BRCA1: variants seen among roughly 807,000 people sequenced by gnomAD.
BRCA1 encodes breast cancer type 1 susceptibility protein.
In BRCA1, 140 loss-of-function variants were observed where a neutral mutation model predicts 173.7. That is an observed-to-expected ratio of 0.81 (90% CI 0.70 to 0.93). The LOEUF (loss-of-function observed/expected upper bound fraction) is 0.93, where lower values mean the gene tolerates loss of function less well. Among genes scored for constraint, BRCA1 ranks in the 40% least tolerant of loss-of-function variants. The pLI is 0.00. For synonymous variants in BRCA1, 662 were observed against 756.0 expected, an observed-to-expected ratio of 0.88 and a Z score of 2.04; for missense variants, 1,983 against 2,172.5, an observed-to-expected ratio of 0.91 and a Z score of 1.73.
At chr17:43,081,083 A>G (rs1222777603) in intron 12 of BRCA1, among the ~76,000 whole-genome samples, 1 of 152,206 alleles carries the variant, frequency 6.6e-6, no homozygotes, top group Admixed American at 6.5e-5. Flanking sequence ...GTATATACCA[A>G]AGAGGAGATA....
At chr17:43,122,109 T>C (rs1300666365) in intron 2 of BRCA1, among the ~76,000 whole-genome samples, 1 of 152,210 alleles carries the variant, frequency 6.6e-6, no homozygotes, top group Non-Finnish European at 1.5e-5. Flanking sequence ...AGGGAGAGGA[T>C]GGTTATTTAT....
In BRCA1 at chr17:43,114,094, G is replaced by T. The variant is rs8176106; in HGVS notation, c.134+1632C>A. Among the ~76,000 whole-genome samples, 1,419 of 151,938 alleles carry T rather than the reference G, an allele frequency of 9.3e-3. 19 individuals carry two copies. The highest frequency in any genetic ancestry group is 0.032 in the African/African-American group (1,337 of 41,414). On this transcript the variant is annotated intron_variant, in intron 3 of 22. Coordinates refer to ENST00000357654, the MANE Select transcript of BRCA1 (RefSeq NM_007294.4). ...CATCTCAAAAAAAAAAAAAGACAGGGTCTCACTCTGTCATCTAGGCTGGAG... is the reference window on the plus strand; with the variant it reads ...CATCTCAAAAAAAAAAAAAGACAGGTTCTCACTCTGTCATCTAGGCTGGAG...
chr17:43,051,548 C>A (rs1463550539), intron 19 of BRCA1, among the ~76,000 whole-genome samples: 2 of 152,034 alleles, frequency 1.3e-5, no homozygotes, highest in Admixed American at 6.6e-5. Context: ...TGATGTTTAT[C>A]CAGACTTGGT....
chr17:43,166,815 G>C (rs1480290969), intron 1 of BRCA1: 2 of 152,234 alleles, frequency 1.3e-5, no homozygotes, highest in Non-Finnish European at 2.9e-5. Flanking sequence ...GGCACACCAT[G>C]GGTGATCAGG....
At chr17:43,164,603 G>A (rs892025530) in intron 1 of BRCA1, 1 of 152,204 alleles carries the variant, frequency 6.6e-6, no homozygotes, top group African/African-American at 2.4e-5. Context: ...GTTTGGCAGG[G>A]TTTTCCTCTG....
At chr17:43,065,726 G>T (rs1388572663) in intron 16 of BRCA1, among the ~76,000 whole-genome samples, 3 of 152,248 alleles carry the variant, frequency 2.0e-5, no homozygotes, top group East Asian at 3.9e-4. Context: ...CACATCCAGA[G>T]AACTAATTTT....
At position 43,120,629 on chromosome 17, in the gene BRCA1, G is replaced by A. The variant is rs562368660; in HGVS notation, c.80+3388C>T. Reference sequence around the variant, plus strand: ...AAATACAAAAAATTAGCCGGGCGTGGTGGTGGACGCCTGTAGTCCCAGCTA... The same window carrying A: ...AAATACAAAAAATTAGCCGGGCGTGATGGTGGACGCCTGTAGTCCCAGCTA... On this transcript the variant is annotated intron_variant, in intron 2 of 22. Coordinates refer to ENST00000357654, the MANE Select transcript of BRCA1 (RefSeq NM_007294.4). Among the ~76,000 whole-genome samples the A allele has an allele frequency of 2.8e-4, 43 of 152,268 alleles. 2 individuals are homozygous for A. Among genetic ancestry groups the A allele is most frequent in the African/African-American group, 1.0e-3 (42 of 41,550 alleles).
intron 16 of BRCA1, among the ~76,000 whole-genome samples, chr17:43,067,032 G>A (rs1478695477): frequency 6.6e-6 from 1 of 151,316 alleles, no homozygotes; most frequent in Non-Finnish European, 1.5e-5. Flanking sequence ...TGGCCAGGCT[G>A]GTCTCGAACT....
intron 11 of BRCA1, among the ~76,000 whole-genome samples, chr17:43,084,177 C>A (rs773188144): frequency 3.3e-5 from 5 of 152,116 alleles, no homozygotes; most frequent in Non-Finnish European, 5.9e-5. Context: ...ATTACAGGCG[C>A]CCGCCACCAT....
rs1356169081 is a variant in BRCA1 at position 43,057,043 on chromosome 17, G to A, written c.5277+9C>T. On this transcript the variant is annotated intron_variant, in intron 19 of 22. Transcript: ENST00000357654. ...GAGATTTTTGTCAACTTGAGGGAGG[G>A]AGCTTTACCTTTCTGTCCTGGGATT... 1 of 1,613,822 alleles carries A rather than the reference G, an allele frequency of 6.2e-7. No homozygotes were observed. The highest frequency in any genetic ancestry group is 8.5e-7 in the Non-Finnish European group (1 of 1,179,762).
chr17:43,115,540 C>T (rs2055227338), intron 3 of BRCA1, among the ~76,000 whole-genome samples, 186 bp downstream of exon 3: 1 of 151,620 alleles, frequency 6.6e-6, no homozygotes, highest in Non-Finnish European at 1.5e-5. Flanking sequence ...AAAACTTTAC[C>T]AGGAACTATG....
rs8176132 is a variant in BRCA1 at position 43,105,799 on chromosome 17, T to C, written c.212+657A>G. Among the ~76,000 whole-genome samples, 2,239 of 152,234 alleles carry C rather than the reference T, an allele frequency of 0.015. 47 individuals are homozygous for C. The highest frequency in any genetic ancestry group is 0.051 in the African/African-American group (2,128 of 41,530). On this transcript the variant is annotated intron_variant, in intron 4 of 22. Transcript: ENST00000357654. Reference sequence around the variant, plus strand: ...TACTACTCTCATAGAATTTACATTGTAGCAGAAGAGATACACAATATATAA... The same window carrying C: ...TACTACTCTCATAGAATTTACATTGCAGCAGAAGAGATACACAATATATAA...
At chr17:43,086,697 A>G (rs140253968) in intron 11 of BRCA1, among the ~76,000 whole-genome samples, 6 of 152,370 alleles carry the variant, frequency 3.9e-5, no homozygotes, top group Admixed American at 6.5e-5. Flanking sequence ...ATGTAATCAG[A>G]AATTGCAACC....
chr17:43,089,379 T>C (rs2053352739), intron 11 of BRCA1, among the ~76,000 whole-genome samples: 1 of 152,156 alleles, frequency 6.6e-6, no homozygotes, highest in Non-Finnish European at 1.5e-5. Flanking sequence ...TATTCATTTT[T>C]AGACGTTGTG....
At position 43,079,095 on chromosome 17, in the gene BRCA1, G is replaced by A. The variant is rs571402533; in HGVS notation, c.4358-2481C>T. ...GGTGCCTGTAATCCCAGCTACCCAG[G>A]AGGCTGAGGCGGACATTGTAATGAG... On this transcript the variant is annotated intron_variant, in intron 12 of 22. Transcript: ENST00000357654. Among the ~76,000 whole-genome samples the A allele has an allele frequency of 7.2e-5, 11 of 152,214 alleles. No individual in the cohort carries two copies. The East Asian group carries it at 2.1e-3, about 29-fold the overall frequency.
rs876659545 is a variant in BRCA1 at position 43,092,599 on chromosome 17, A to G, written c.2932T>C (p.Tyr978His). ...ATGGGAAAAAGTGGTGGTATACGAT[A>G]TGGGTTTTGTAAAAGTCCATGTTTA... Reference protein sequence around the residue: ...PNKHGLLQNPYRIPPLFPIKS... With the variant: ...PNKHGLLQNPHRIPPLFPIKS... The change falls in exon 10 of 23, where the codon TAT (tyrosine) becomes CAT (histidine). Residue 978 changes from tyrosine to histidine, a missense_variant. Tyr to His is a moderately conservative substitution (Grantham distance 83, BLOSUM62 2). Transcript: ENST00000357654. 1 of 1,614,064 alleles carries G rather than the reference A, an allele frequency of 6.2e-7. No individual in the cohort carries two copies. Among genetic ancestry groups the G allele is most frequent in the Middle Eastern group, 1.6e-4 (1 of 6,062 alleles).
At position 43,119,276 on chromosome 17, in the gene BRCA1, G is replaced by GA. The variant is rs61461583; in HGVS notation, c.81-3498dup. 0.013 allele frequency: 2,422 copies of GA among 185,744 alleles called. No homozygotes were observed. Among genetic ancestry groups the GA allele is most frequent in the East Asian group, 0.023 (269 of 11,586 alleles). The allele number at this position is 185,744 out of a possible 1,614,324, so 11.5% of individuals were successfully genotyped here. ...TGACAGAGAATCCATCTCAAAAAAA[G>GA]AAAAAAAAAAAAGAAAAGGATCACA... is the stretch of plus-strand genomic sequence containing the variant. On this transcript the variant is annotated intron_variant, in intron 2 of 22. Transcript: ENST00000357654.
At chr17:43,059,562 C>A (rs1567766295) in intron 18 of BRCA1, among the ~76,000 whole-genome samples, 1 of 152,088 alleles carries the variant, frequency 6.6e-6, no homozygotes, top group Non-Finnish European at 1.5e-5. Context: ...CTGCTTCCTG[C>A]CTTTCCCACT....
intron 18 of BRCA1, among the ~76,000 whole-genome samples, chr17:43,062,652 C>T (rs551457931): frequency 2.0e-4 from 31 of 152,050 alleles, no homozygotes; most frequent in African/African-American, 7.0e-4. Context: ...GGTTGGAGTG[C>T]AGTGGCACGA....
Sources: gnomAD v4.1 joint callset for allele counts (sites outside exome capture counted in the v4.1 genomes callset) on GRCh38, gnomAD v4.1.1 for gene constraint, MANE v1.5 for transcripts, NCBI Gene and HGNC (gene_info 2026-07-23, HGNC 2026-07-21) for gene names.